Variants in SNX25 observed in about 807,000 individuals in gnomAD.
SNX25 encodes sorting nexin 25, also known as sorting nexin-25.
A neutral mutation model predicts 113.7 loss-of-function variants in SNX25; 62 were observed. The observed-to-expected ratio is 0.55, with a 90% CI of 0.44 to 0.67. SNX25 has a LOEUF of 0.67. Among genes scored for constraint, SNX25 ranks in the 30% least tolerant of loss-of-function variants. The pLI is 0.00. For missense variants in SNX25, 1,014 were observed against 1,161.0 expected (o/e 0.87, Z 1.84); for synonymous variants, 421 against 436.2 (o/e 0.97, Z 0.43).
intron 13 of SNX25, among the ~76,000 whole-genome samples, chr4:185,348,680 C>T (rs144538282): frequency 1.2e-3 from 181 of 152,224 alleles, no homozygotes; most frequent in African/African-American, 3.9e-3. Flanking sequence ...TACAGGTGTG[C>T]GCCACTGTGC....
chr4:185,206,704 T>G (rs1186070078), upstream of SNX25, among the ~76,000 whole-genome samples: 1 of 147,940 alleles, frequency 6.8e-6, no homozygotes, highest in Non-Finnish European at 1.5e-5. Context: ...GTACTAATCT[T>G]GGTTCAGAAA....
intron 1 of SNX25, among the ~76,000 whole-genome samples, chr4:185,227,523 T>TA (rs1741203430): frequency 6.6e-6 from 1 of 152,252 alleles, no homozygotes; most frequent in East Asian, 1.9e-4. Flanking sequence ...CTCTACTTGT[T>TA]AAAGGTCCAG....
intron 1 of SNX25, among the ~76,000 whole-genome samples, chr4:185,228,634 C>T (rs1741364784): frequency 6.6e-6 from 1 of 152,124 alleles, no homozygotes; most frequent in Non-Finnish European, 1.5e-5. Flanking sequence ...CTCTTGACCT[C>T]AAGCAGTCCT....
intron 3 of SNX25, 65 bp from the exon 4 acceptor site, chr4:185,264,373 C>A: frequency 7.0e-7 from 1 of 1,429,960 alleles, no homozygotes. Flanking sequence ...TATTTTTTAC[C>A]TAATAGTACA....
intron 14 of SNX25, 110 bp downstream of exon 14, chr4:185,351,719 C>T: frequency 1.7e-6 from 2 of 1,168,324 alleles, no homozygotes; most frequent in Non-Finnish European, 2.4e-6. Flanking sequence ...TTAGCACTGT[C>T]ACATTTTGAG....
chr4:185,374,908 T>C (rs1296338261), downstream of SNX25, among the ~76,000 whole-genome samples: 1 of 152,132 alleles, frequency 6.6e-6, no homozygotes, highest in Non-Finnish European at 1.5e-5. Flanking sequence ...CATTCAAGCA[T>C]ACTTTTACTG....
intron 5 of SNX25, among the ~76,000 whole-genome samples, chr4:185,278,414 T>C (rs999035162): frequency 9.2e-5 from 14 of 152,240 alleles, no homozygotes; most frequent in African/African-American, 2.9e-4. Context: ...TCATTTAAAC[T>C]TCGAGCCTCA....
chr4:185,366,954 T>A (rs894176168), downstream of SNX25: 3 of 459,278 alleles, frequency 6.5e-6, no homozygotes, highest in African/African-American at 6.0e-5. Flanking sequence ...GTCTGTAGGG[T>A]AAGAGGTGGA....
intron 9 of SNX25, among the ~76,000 whole-genome samples, chr4:185,327,408 T>C (rs1236947850): frequency 6.6e-6 from 1 of 152,216 alleles, no homozygotes; most frequent in African/African-American, 2.4e-5. Flanking sequence ...GAATTCCCTT[T>C]TATAAAATTT....
intron 6 of SNX25, among the ~76,000 whole-genome samples, chr4:185,303,455 C>T (rs866489540): frequency 1.3e-5 from 2 of 151,626 alleles, no homozygotes; most frequent in African/African-American, 2.4e-5. Flanking sequence ...GTCAGGAGAT[C>T]GAGACCATCC....
chr4:185,307,612 C>G (rs1396377694), intron 6 of SNX25, among the ~76,000 whole-genome samples: 1 of 152,184 alleles, frequency 6.6e-6, no homozygotes, highest in African/African-American at 2.4e-5. Context: ...GGGAACTACT[C>G]TGGCATCCAG....
chr4:185,344,247 C>T (rs571492923), intron 12 of SNX25, among the ~76,000 whole-genome samples: 77 of 152,106 alleles, frequency 5.1e-4, no homozygotes, highest in African/African-American at 1.7e-3. Context: ...AATTTCCAGC[C>T]TTCAACTGTG....
intron 5 of SNX25, among the ~76,000 whole-genome samples, chr4:185,285,065 A>G (rs1751153206): frequency 6.6e-6 from 1 of 152,214 alleles, no homozygotes; most frequent in Non-Finnish European, 1.5e-5. Context: ...CAGCTTAGAA[A>G]AAGTTAAAAA....
downstream of SNX25, among the ~76,000 whole-genome samples, chr4:185,368,947 C>T (rs2095403772): frequency 1.3e-5 from 2 of 151,818 alleles, no homozygotes; most frequent in Admixed American, 1.3e-4. Context: ...ACATGCGTTA[C>T]CATGATGGGC....
At chr4:185,307,357 C>T (rs1202976163) in intron 6 of SNX25, among the ~76,000 whole-genome samples, 1 of 152,210 alleles carries the variant, frequency 6.6e-6, no homozygotes, top group Non-Finnish European at 1.5e-5. Flanking sequence ...TATGTGCTGA[C>T]TCACCTCCAG....
At chr4:185,236,624 T>C (rs1328593256) in intron 1 of SNX25, among the ~76,000 whole-genome samples, 1 of 152,194 alleles carries the variant, frequency 6.6e-6, no homozygotes, top group Admixed American at 6.5e-5. Context: ...GAGTCTTTTA[T>C]TATTATAAAA....
chr4:185,240,264 T>C (rs1220259170), intron 1 of SNX25, among the ~76,000 whole-genome samples: 4 of 152,148 alleles, frequency 2.6e-5, no homozygotes, highest in African/African-American at 4.8e-5. Context: ...CATGGCCCGT[T>C]CTCAATGAGC....
rs77170131 is a variant in SNX25 at position 185,350,967 on chromosome 4, C to A, written c.2302-478C>A. Among the ~76,000 whole-genome samples, 956 of 152,264 alleles carry A rather than the reference C, an allele frequency of 6.3e-3. 15 individuals are homozygous for A. Among genetic ancestry groups the A allele is most frequent in the South Asian group, 0.05 (243 of 4,826 alleles). On this transcript the variant is annotated intron_variant, in intron 13 of 18. Coordinates refer to ENST00000652585, the MANE Select transcript of SNX25 (RefSeq NM_001378034.2). Reference sequence around the variant, plus strand: ...AACTATTGCCTGGCAGGTAGTGCCACCATGTGAAAACTCAAAGTTCTTTTT... The same window carrying A: ...AACTATTGCCTGGCAGGTAGTGCCAACATGTGAAAACTCAAAGTTCTTTTT...
intron 1 of SNX25, among the ~76,000 whole-genome samples, chr4:185,213,272 C>T (rs1738225536): frequency 9.6e-6 from 1 of 104,222 alleles, no homozygotes; most frequent in Non-Finnish European, 2.1e-5. Flanking sequence ...GAGCTTGTAC[C>T]TGTTGAGCAT....
Sources: allele counts gnomAD v4.1 joint callset (sites outside exome capture counted in the v4.1 genomes callset), GRCh38; gene constraint gnomAD v4.1.1; transcripts MANE v1.5; gene names NCBI Gene and HGNC (gene_info 2026-07-23, HGNC 2026-07-21).